TPP2: variants seen among roughly 807,000 people sequenced by gnomAD.
TPP2 encodes the protein tripeptidyl-peptidase 2.
TPP2 carries 34 observed loss-of-function variants against 155.9 expected under a neutral mutation model. That is an observed-to-expected ratio of 0.22 (90% CI 0.17 to 0.29). The LOEUF (loss-of-function observed/expected upper bound fraction) is 0.29, where lower values mean the gene tolerates loss of function less well. Ranked by LOEUF, TPP2 falls within the 10% of genes least tolerant of loss-of-function variation. The probability of loss-of-function intolerance (pLI) is 1.00; values close to 1 mark genes in which losing one functional copy is unlikely to be tolerated. For missense variants in TPP2, 1,028 were observed against 1,522.3 expected, an observed-to-expected ratio of 0.68 and a Z score of 5.40; for synonymous variants, 510 against 529.4, an observed-to-expected ratio of 0.96 and a Z score of 0.50.
At chr13:102,656,705 A>G (rs1883881595) in intron 24 of TPP2, among the ~76,000 whole-genome samples, 1 of 152,176 alleles carries the variant, frequency 6.6e-6, no homozygotes, top group South Asian at 2.1e-4. Flanking sequence ...CTTAGTTTGA[A>G]CTTATTTCAT....
At chr13:102,660,491 T>G (rs1884134824) in intron 25 of TPP2, among the ~76,000 whole-genome samples, 1 of 152,116 alleles carries the variant, frequency 6.6e-6, no homozygotes. Context: ...TGAAAGAAAT[T>G]TAAAAGACCT....
chr13:102,602,471 G>T (rs1000313267), intron 1 of TPP2, among the ~76,000 whole-genome samples: 1 of 151,984 alleles, frequency 6.6e-6, no homozygotes, highest in African/African-American at 2.4e-5. Context: ...CATCCAACTT[G>T]AGAATTACCA....
rs375554661 is a variant in TPP2, at chr13:102,627,877, T to A, written c.969T>A (p.Asp323Glu). The change falls in exon 8 of 30, where the codon GAT (aspartate) becomes GAA (glutamate). Residue 323 changes from aspartate (D) to glutamate (E), a missense_variant. Around this residue, in one of 7 missense-constraint regions of TPP2, gnomAD observed 63 missense variants for 165.7 expected, o/e 0.38. Transcript: ENST00000376052. ...TAGAAGTTATAAATCATAAGTGTGA[T>A]CTTGTCAACTACAGTTACGGAGAAG... ...AMIEVINHKCDLVNYSYGEAT... is the reference protein window; with the variant it reads ...AMIEVINHKCELVNYSYGEAT... 6.2e-6 allele frequency: 10 copies of A among 1,613,632 alleles called. No individual in the cohort carries two copies. Among genetic ancestry groups the A allele is most frequent in the South Asian group, 1.1e-5 (1 of 91,022 alleles).
chr13:102,661,633 T>G (rs1228075494), intron 25 of TPP2, among the ~76,000 whole-genome samples: 1 of 152,178 alleles, frequency 6.6e-6, no homozygotes, highest in Admixed American at 6.6e-5. Context: ...TGAATAGATA[T>G]TTCTATAAAG....
chr13:102,672,242 C>T (rs559107001), intron 27 of TPP2, among the ~76,000 whole-genome samples: 2 of 152,204 alleles, frequency 1.3e-5, no homozygotes, highest in East Asian at 1.9e-4. Context: ...CAGTGATGCT[C>T]GCATTTATTT....
intron 8 of TPP2, among the ~76,000 whole-genome samples, chr13:102,629,277 T>G (rs528191812): frequency 6.6e-6 from 1 of 152,290 alleles, no homozygotes; most frequent in African/African-American, 2.4e-5. Context: ...ACCTAGCACT[T>G]TCCCCACGTT....
chr13:102,668,397 G>C (rs1183385794), intron 27 of TPP2, among the ~76,000 whole-genome samples: 2 of 152,206 alleles, frequency 1.3e-5, no homozygotes, highest in Admixed American at 6.5e-5. Flanking sequence ...GAAGAGTACA[G>C]ATGTGTGCAG....
chr13:102,614,866 G>A (rs1248395579), intron 3 of TPP2, among the ~76,000 whole-genome samples: 5 of 151,844 alleles, frequency 3.3e-5, no homozygotes, highest in African/African-American at 9.7e-5. Flanking sequence ...AATATGTTTA[G>A]TGTGACTGAC....
At chr13:102,663,181 C>T (rs1035578266) in intron 25 of TPP2, among the ~76,000 whole-genome samples, 2 of 151,778 alleles carry the variant, frequency 1.3e-5, no homozygotes, top group African/African-American at 4.8e-5. Flanking sequence ...TGGAGTCTCA[C>T]TCTGTCACCC....
At chr13:102,631,949 C>T (rs1400180581) in intron 10 of TPP2, among the ~76,000 whole-genome samples, 1 of 152,146 alleles carries the variant, frequency 6.6e-6, no homozygotes, top group Non-Finnish European at 1.5e-5. Context: ...TTCTTAAAGA[C>T]GTATTACCAA....
rs1885422003 is a variant in TPP2, at chr13:102,678,387, G to A, written c.*71G>A. The stretch of plus-strand genomic sequence containing the variant: ...GAATGGGTATAAAAACAAATTTGTG[G>A]CATTTTTAGTCTAATGCATGTTTTC... On this transcript the variant is annotated 3_prime_UTR_variant, in exon 30 of 30. Transcript: ENST00000376052. 4 of 1,366,946 alleles carry A rather than the reference G, an allele frequency of 2.9e-6. No homozygotes were observed. Among genetic ancestry groups the A allele is most frequent in the Non-Finnish European group, 4.1e-6 (4 of 970,496 alleles). The allele number at this position is 1,366,946 out of a possible 1,614,324, so 84.7% of individuals were successfully genotyped here.
intron 5 of TPP2, among the ~76,000 whole-genome samples, chr13:102,619,327 A>G (rs1880981792): frequency 6.6e-6 from 1 of 152,028 alleles, no homozygotes; most frequent in Admixed American, 6.6e-5. Context: ...TATACTGCAT[A>G]TGTGCTTCTT....
chr13:102,626,911 A>C (rs1181209159), intron 6 of TPP2, 101 bp from the exon 7 acceptor site: 1 of 1,227,074 alleles, frequency 8.1e-7, no homozygotes, highest in Non-Finnish European at 1.1e-6. Context: ...TAGCAGAGTA[A>C]TGTGTATTCT....
chr13:102,663,891 G>A lies in TPP2; in HGVS notation c.3240+147G>A, dbSNP rs1884416173. 4 of 660,354 alleles carry A rather than the reference G, an allele frequency of 6.1e-6. No individual in the cohort carries two copies. The South Asian group carries it at 9.7e-5, about 16-fold the overall frequency. 40.9% of individuals were successfully genotyped at this position (660,354 alleles called of 1,614,324 possible). A position where few individuals can be genotyped will look rare whatever the true frequency, so the allele number is the denominator to read the frequency against. On this transcript the variant is annotated intron_variant, in intron 26 of 29. Transcript: ENST00000376052. ...GAATGTTGTGTTAAGCTGTTTTCAT[G>A]AAGGTTATTATAAGACCTAGCCACT...
chr13:102,664,523 G>C (rs981513520), intron 26 of TPP2, among the ~76,000 whole-genome samples: 3 of 151,982 alleles, frequency 2.0e-5, no homozygotes, highest in African/African-American at 7.2e-5. Flanking sequence ...ACATTTTTAT[G>C]AAGTTTATAT....
intron 24 of TPP2, among the ~76,000 whole-genome samples, chr13:102,653,377 A>T (rs945071687): frequency 6.6e-6 from 1 of 152,038 alleles, no homozygotes; most frequent in Non-Finnish European, 1.5e-5. Context: ...GTAAAATGCA[A>T]TAATATATTT....
intron 16 of TPP2, among the ~76,000 whole-genome samples, chr13:102,642,957 A>C (rs1882864009): frequency 6.6e-6 from 1 of 152,200 alleles, no homozygotes; most frequent in Non-Finnish European, 1.5e-5. Context: ...TGCTGTTTCC[A>C]GGTGTTTGCA....
intron 1 of TPP2, among the ~76,000 whole-genome samples, chr13:102,603,737 C>T (rs1004067416): frequency 3.3e-5 from 5 of 152,104 alleles, no homozygotes; most frequent in African/African-American, 7.2e-5. Context: ...GGTTGAGTAT[C>T]GCAAATTCGA....
intron 27 of TPP2, among the ~76,000 whole-genome samples, chr13:102,673,846 C>G (rs1181040554): frequency 6.6e-6 from 1 of 152,176 alleles, no homozygotes; most frequent in Non-Finnish European, 1.5e-5. Context: ...CAGAGTAAAG[C>G]ATTACATTTA....
Sources: gnomAD v4.1 joint callset for allele counts (sites outside exome capture counted in the v4.1 genomes callset) on GRCh38, gnomAD v4.1.1 for gene constraint, gnomAD v4.1.1 regional missense constraint, MANE v1.5 for transcripts, NCBI Gene and HGNC (gene_info 2026-07-23, HGNC 2026-07-21) for gene names.